Variants in QSER1 observed in about 807,000 individuals in gnomAD.
QSER1 encodes glutamine and serine rich 1.
A neutral mutation model predicts 158.5 loss-of-function variants in QSER1; 49 were observed. That is an observed-to-expected ratio of 0.31 (90% CI 0.25 to 0.39). The LOEUF (loss-of-function observed/expected upper bound fraction) is 0.39, where lower values mean the gene tolerates loss of function less well. Ranked by LOEUF, QSER1 falls within the 10% of genes least tolerant of loss-of-function variation. The probability of loss-of-function intolerance (pLI) is 1.00; values close to 1 mark genes in which losing one functional copy is unlikely to be tolerated. For missense variants in QSER1, 1,754 were observed against 2,010.3 expected (o/e 0.87, Z 2.44); for synonymous variants, 650 against 715.5 (o/e 0.91, Z 1.46).
chr11:32,933,893 G>A lies in QSER1; in HGVS notation c.2635G>A (p.Ala879Thr), dbSNP rs369104904. 1.2e-5 allele frequency: 19 copies of A among 1,613,508 alleles called. No individual in the cohort carries two copies. The African/African-American group carries it at 2.0e-4, about 17-fold the overall frequency. ...ILQAGLGQVK[A>T]SLQAQRVQSP... is the part of the protein sequence containing the mutation. ...GCAGGCAGGTTTAGGTCAAGTAAAG[G>A]CATCTTTACAAGCACAGCGTGTTCA... Residue 879 changes from alanine to threonine, a missense_variant, in exon 4 of 13, where the codon GCA becomes ACA. Coordinates refer to ENST00000650167, the MANE Select transcript of QSER1 (RefSeq NM_001076786.3).
At chr11:32,974,254 C>T (rs918915355) in intron 11 of QSER1, among the ~76,000 whole-genome samples, 2 of 152,010 alleles carry the variant, frequency 1.3e-5, no homozygotes, top group Non-Finnish European at 2.9e-5. Context: ...GGCCCCATGT[C>T]TACCCTGGGG....
intron 1 of QSER1, among the ~76,000 whole-genome samples, chr11:32,924,485 G>A (rs1202628601): frequency 6.6e-6 from 1 of 151,228 alleles, no homozygotes; most frequent in African/African-American, 2.4e-5. Context: ...ACCTGAGCCC[G>A]GGAAGTGGAG....
intron 3 of QSER1, among the ~76,000 whole-genome samples, chr11:32,929,133 A>G (rs977727534): frequency 6.6e-6 from 1 of 151,978 alleles, no homozygotes; most frequent in Admixed American, 6.6e-5. Flanking sequence ...GTTTTTTGAG[A>G]CAGAGTGTCA....
Position 32,934,508 on chromosome 11 carries a change from C to T in QSER1, c.3250C>T (p.Pro1084Ser), listed in dbSNP as rs747219838. The change falls in exon 4 of 13, where the codon CCA becomes TCA. Residue 1084 changes from proline to serine, a missense_variant. Around this residue, in one of 2 missense-constraint regions of QSER1, gnomAD observed 1,707 missense variants for 1,919.6 expected, o/e 0.89. Coordinates refer to ENST00000650167, the MANE Select transcript of QSER1 (RefSeq NM_001076786.3). ...QHIETPGQNI[P>S]TKVTSAVVGP... ...CATTGAAACACCTGGTCAAAATATA[C>T]CAACTAAAGTAACTTCAGCAGTGGT... 1.6e-5 allele frequency: 26 copies of T among 1,613,518 alleles called. No individual in the cohort carries two copies. The South Asian group carries it at 2.5e-4, about 16-fold the overall frequency.
intron 1 of QSER1, among the ~76,000 whole-genome samples, chr11:32,910,810 T>C (rs1851756533): frequency 6.6e-6 from 1 of 152,212 alleles, no homozygotes; most frequent in South Asian, 2.1e-4. Flanking sequence ...TTACAAGCAC[T>C]TTCTTCTTCC....
chr11:32,923,967 A>G (rs1047497404), intron 1 of QSER1, among the ~76,000 whole-genome samples: 1 of 152,180 alleles, frequency 6.6e-6, no homozygotes, highest in African/African-American at 2.4e-5. Context: ...ACTCCATCTC[A>G]TTTAAAAAAG....
chr11:32,914,384 A>G (rs1368508551), intron 1 of QSER1, among the ~76,000 whole-genome samples: 4 of 152,352 alleles, frequency 2.6e-5, no homozygotes, highest in African/African-American at 7.2e-5. Context: ...AAAAGCTGAT[A>G]TACCTAAAAC....
Position 32,954,105 on chromosome 11 carries a change from G to A in QSER1, c.4426G>A (p.Glu1476Lys). The change falls in exon 5 of 13, where the codon GAA becomes AAA. Residue 1476 changes from glutamate (E) to lysine (K), a missense_variant. By Grantham distance (56) the Glu-to-Lys change is moderately conservative (BLOSUM62 1). Around this residue, in one of 2 missense-constraint regions of QSER1, gnomAD observed 1,707 missense variants for 1,919.6 expected, o/e 0.89. Transcript: ENST00000650167. The stretch of plus-strand genomic sequence containing the variant: ...AGGTTTTACAGATGAGGAGGACACA[G>A]AAAGCGGAGGAGAAGGCCAATACAG... ...IEGFTDEEDTESGGEGQYRER... is the reference protein window; with the variant it reads ...IEGFTDEEDTKSGGEGQYRER... 1 of 1,614,130 alleles carries A rather than the reference G, an allele frequency of 6.2e-7. No homozygotes were observed. The highest frequency in any genetic ancestry group is 8.5e-7 in the Non-Finnish European group (1 of 1,180,026).
At chr11:32,924,455 G>C (rs1366196313) in intron 1 of QSER1, among the ~76,000 whole-genome samples, 1 of 151,220 alleles carries the variant, frequency 6.6e-6, no homozygotes, top group Non-Finnish European at 1.5e-5. Flanking sequence ...AGCTACTCGA[G>C]AGACTGAGGT....
chr11:32,954,692 T>A (rs183792206), intron 5 of QSER1, among the ~76,000 whole-genome samples: 65 of 152,296 alleles, frequency 4.3e-4, no homozygotes, highest in Non-Finnish European at 6.9e-4. Context: ...TTTTTATGTA[T>A]TTTTTAAAAT....
intron 4 of QSER1, among the ~76,000 whole-genome samples, chr11:32,944,021 G>T (rs769472153): frequency 6.7e-6 from 1 of 149,344 alleles, no homozygotes; most frequent in Non-Finnish European, 1.5e-5. Context: ...GTTTATTTGC[G>T]TAGAGGTGTT....
chr11:32,917,600 C>T (rs533224334), intron 1 of QSER1, among the ~76,000 whole-genome samples: 3 of 151,962 alleles, frequency 2.0e-5, no homozygotes, highest in African/African-American at 4.8e-5. Context: ...CCGAGGTGGG[C>T]GGATCACTTG....
chr11:32,957,574 A>G (rs1339178153), intron 7 of QSER1, among the ~76,000 whole-genome samples: 1 of 152,200 alleles, frequency 6.6e-6, no homozygotes, highest in Non-Finnish European at 1.5e-5. Context: ...ACAGCCTCAT[A>G]GTCTCTGGGA....
intron 4 of QSER1, among the ~76,000 whole-genome samples, chr11:32,938,672 C>T (rs1340174816): frequency 6.6e-6 from 1 of 152,152 alleles, no homozygotes; most frequent in African/African-American, 2.4e-5. Flanking sequence ...TCTTTAGTTG[C>T]ACCTGTTTCC....
At chr11:32,915,989 A>G (rs912696031) in intron 1 of QSER1, among the ~76,000 whole-genome samples, 3 of 151,562 alleles carry the variant, frequency 2.0e-5, no homozygotes, top group East Asian at 1.9e-4. Context: ...GTGATCTCCA[A>G]CTCCTGGGTT....
At chr11:32,953,634 A>C (rs1216555352) in intron 4 of QSER1, among the ~76,000 whole-genome samples, 1 of 152,210 alleles carries the variant, frequency 6.6e-6, no homozygotes, top group Non-Finnish European at 1.5e-5. Flanking sequence ...GAGGATAGGT[A>C]GATAGTTGCA....
chr11:32,934,946 C>T lies in QSER1; in HGVS notation c.3688C>T (p.Arg1230Cys), dbSNP rs62618693. ...GCTGAAAAGACCTGCCCAAGGCAAA[C>T]GCCAGAATCCAAGGGGAACAGATAT... ...KQLKRPAQGK[R>C]QNPRGTDIYL... is the part of the protein sequence containing the mutation. Residue 1230 changes from arginine to cysteine, a missense_variant, in exon 4 of 13, where the codon CGC (arginine) becomes TGC (cysteine). Arg to Cys is a radical substitution (Grantham distance 180, BLOSUM62 -3). This residue lies in a region of QSER1 where 1,707 missense variants were observed against 1,919.6 expected (regional missense o/e 0.89). Transcript: ENST00000650167. 0.036 allele frequency: 57,870 copies of T among 1,613,976 alleles called. 1,281 individuals carry two copies. The highest frequency in any genetic ancestry group is 0.043 in the Non-Finnish European group (51,076 of 1,179,972).
chr11:32,940,571 C>T (rs898859752), intron 4 of QSER1, among the ~76,000 whole-genome samples: 3 of 151,996 alleles, frequency 2.0e-5, no homozygotes, highest in African/African-American at 7.2e-5. Context: ...GTTTATCATA[C>T]ATAATAGGGA....
intron 4 of QSER1, among the ~76,000 whole-genome samples, chr11:32,937,572 G>A (rs7108574): frequency 0.76 from 116,262 of 152,048 alleles, 45,551 homozygotes; most frequent in East Asian, 0.99. Context: ...ATAGGCATGA[G>A]CCACTGCGCC....
Sources: gnomAD v4.1 joint callset for allele counts (sites outside exome capture counted in the v4.1 genomes callset) on GRCh38, gnomAD v4.1.1 for gene constraint, gnomAD v4.1.1 regional missense constraint, MANE v1.5 for transcripts, NCBI Gene and HGNC (gene_info 2026-07-23, HGNC 2026-07-21) for gene names.